The following DYNC1I1 variants were observed in gnomAD, a reference collection of about 807,000 sequenced individuals.
The protein encoded by DYNC1I1 is cytoplasmic dynein 1 intermediate chain 1.
Under a neutral mutation model 86.6 loss-of-function variants are expected in DYNC1I1, and 43 were observed. The observed-to-expected ratio is 0.50, with a 90% CI of 0.39 to 0.64. The LOEUF (loss-of-function observed/expected upper bound fraction) is 0.64. Ranked by LOEUF, DYNC1I1 falls within the 30% of genes least tolerant of loss-of-function variation. The pLI is 0.00. For synonymous variants in DYNC1I1, 262 were observed against 283.7 expected, an observed-to-expected ratio of 0.92 and a Z score of 0.77; for missense variants, 604 against 788.8, an observed-to-expected ratio of 0.77 and a Z score of 2.81.
Position 95,894,184 on chromosome 7 carries a change from G to T in DYNC1I1, c.490+24186G>T, listed in dbSNP as rs139956913. Among the ~76,000 whole-genome samples, 666 of 151,794 alleles carry T rather than the reference G, an allele frequency of 4.4e-3. 8 individuals carry two copies. The highest frequency in any genetic ancestry group is 0.015 in the African/African-American group (621 of 41,366). ...TAGTCCATCTAGAATGCTATAATGA[G>T]ACACCATAAACTGGGTAGCTTATAA... On this transcript the variant is annotated intron_variant, in intron 6 of 16. Coordinates refer to ENST00000447467, the MANE Select transcript of DYNC1I1 (RefSeq NM_001135556.2).
At chr7:95,775,428 G>C (rs975384408) in intron 1 of DYNC1I1, among the ~76,000 whole-genome samples, 11 of 152,142 alleles carry the variant, frequency 7.2e-5, no homozygotes, top group African/African-American at 2.4e-4. Context: ...GCAGAGGTAG[G>C]ATTCAAATGA....
At chr7:95,862,662 T>A (rs1789917587) in intron 5 of DYNC1I1, among the ~76,000 whole-genome samples, 1 of 152,158 alleles carries the variant, frequency 6.6e-6, no homozygotes, top group African/African-American at 2.4e-5. Context: ...AAAAGTTAAA[T>A]ATATAATCAC....
intron 6 of DYNC1I1, among the ~76,000 whole-genome samples, chr7:95,892,150 A>T (rs1790757379): frequency 6.6e-6 from 1 of 150,884 alleles, no homozygotes; most frequent in Non-Finnish European, 1.5e-5. Flanking sequence ...TCTTTTTTTT[A>T]AATTGAGACA....
intron 6 of DYNC1I1, among the ~76,000 whole-genome samples, chr7:95,891,360 G>C (rs578018634): frequency 1.3e-5 from 2 of 152,180 alleles, no homozygotes; most frequent in Non-Finnish European, 1.5e-5. Context: ...TGTATTCAAC[G>C]GTTTTGCGTT....
At chr7:96,108,592 G>A (rs767420705) in intron 16 of DYNC1I1, among the ~76,000 whole-genome samples, 3 of 152,030 alleles carry the variant, frequency 2.0e-5, no homozygotes, top group East Asian at 1.9e-4. Context: ...GGCCAGGCGC[G>A]GTGGCTCACA....
chr7:95,994,925 A>C (rs886815318), intron 9 of DYNC1I1, among the ~76,000 whole-genome samples: 1 of 152,136 alleles, frequency 6.6e-6, no homozygotes, highest in African/African-American at 2.4e-5. Flanking sequence ...AGGGAAATTT[A>C]GTGTGTGGGA....
intron 1 of DYNC1I1, among the ~76,000 whole-genome samples, chr7:95,774,587 C>T (rs752380967): frequency 6.6e-6 from 1 of 152,200 alleles, no homozygotes; most frequent in Non-Finnish European, 1.5e-5. Flanking sequence ...TGACTAACTT[C>T]GAAGAGAGTA....
chr7:95,818,473 A>AATTTTTTTTTTTTTTTTTTTTTTTTTTT, intron 4 of DYNC1I1: 1 of 573,310 alleles, frequency 1.7e-6, no homozygotes. Context: ...AGCTGATTTA[A>AATTTTTTTTTTTTTTTTTTTTTTTTTTT]TTTTTTTTTT....
At chr7:95,912,516 T>C (rs1791364584) in intron 6 of DYNC1I1, among the ~76,000 whole-genome samples, 1 of 152,190 alleles carries the variant, frequency 6.6e-6, no homozygotes, top group Non-Finnish European at 1.5e-5. Flanking sequence ...TCCCACTCCT[T>C]GATTTGCAGG....
chr7:95,964,118 C>A (rs892502342), intron 6 of DYNC1I1, among the ~76,000 whole-genome samples: 1 of 152,176 alleles, frequency 6.6e-6, no homozygotes, highest in Non-Finnish European at 1.5e-5. Context: ...TGCTAATGAT[C>A]TTCCTTGAGA....
intron 2 of DYNC1I1, among the ~76,000 whole-genome samples, chr7:95,808,451 T>C (rs564848809): frequency 4.6e-5 from 7 of 152,264 alleles, no homozygotes; most frequent in Admixed American, 3.9e-4. Context: ...TCAACTGCTT[T>C]CTTGGCTGTG....
intron 5 of DYNC1I1, among the ~76,000 whole-genome samples, chr7:95,867,609 G>C (rs1290023440): frequency 6.6e-6 from 1 of 152,174 alleles, no homozygotes; most frequent in Non-Finnish European, 1.5e-5. Flanking sequence ...AACGAGATAG[G>C]GCTGCAGCTT....
At chr7:95,782,370 A>G (rs1794015895) in intron 1 of DYNC1I1, among the ~76,000 whole-genome samples, 1 of 152,204 alleles carries the variant, frequency 6.6e-6, no homozygotes, top group Admixed American at 6.5e-5. Context: ...ACTGACTGAT[A>G]TGTAACCACA....
At chr7:96,056,170 T>C (rs916621460) in intron 14 of DYNC1I1, 4 of 152,062 alleles carry the variant, frequency 2.6e-5, no homozygotes, top group Admixed American at 2.0e-4. Context: ...ATTTTTTTTT[T>C]CCCTCAATCA....
At chr7:96,044,730 G>A (rs1789157063) in intron 14 of DYNC1I1, among the ~76,000 whole-genome samples, 1 of 152,128 alleles carries the variant, frequency 6.6e-6, no homozygotes. Context: ...CTCCTGTGAT[G>A]GCTATTTTCT....
chr7:95,913,404 T>G (rs1026281875), intron 6 of DYNC1I1, among the ~76,000 whole-genome samples: 6 of 152,084 alleles, frequency 3.9e-5, no homozygotes, highest in African/African-American at 1.2e-4. Context: ...GAATTGTAGC[T>G]CCCATAAACC....
chr7:96,064,087 AT>A (rs1789878598), intron 14 of DYNC1I1, among the ~76,000 whole-genome samples: 1 of 152,146 alleles, frequency 6.6e-6, no homozygotes, highest in African/African-American at 2.4e-5. Flanking sequence ...GGTGCAGGGT[AT>A]TTAGTTGCCC....
intron 6 of DYNC1I1, among the ~76,000 whole-genome samples, chr7:95,951,713 G>A (rs1358138474): frequency 6.6e-6 from 1 of 152,160 alleles, no homozygotes; most frequent in Non-Finnish European, 1.5e-5. Flanking sequence ...TTTTCAAGGA[G>A]GACGACTGCA....
intron 16 of DYNC1I1, among the ~76,000 whole-genome samples, chr7:96,081,795 A>G (rs1790527627): frequency 6.6e-6 from 1 of 152,208 alleles, no homozygotes; most frequent in South Asian, 2.1e-4. Flanking sequence ...ATATACTGCT[A>G]TATGGTATAG....
Sources: allele counts gnomAD v4.1 joint callset (sites outside exome capture counted in the v4.1 genomes callset), GRCh38; gene constraint gnomAD v4.1.1; transcripts MANE v1.5; gene names NCBI Gene and HGNC (gene_info 2026-07-23, HGNC 2026-07-21).